DHRS7C: variants seen among roughly 807,000 people sequenced by gnomAD.
The protein encoded by DHRS7C is dehydrogenase/reductase SDR family member 7C.
Under a neutral mutation model 29.6 loss-of-function variants are expected in DHRS7C, and 28 were observed. The observed-to-expected ratio is 0.95, with a 90% CI of 0.70 to 1.30. DHRS7C has a LOEUF of 1.30. Among genes scored for constraint, DHRS7C ranks in the 50% most tolerant of loss-of-function variants. DHRS7C has a pLI of 0.00. For synonymous variants in DHRS7C, 158 were observed against 160.2 expected, an observed-to-expected ratio of 0.99 and a Z score of 0.10; for missense variants, 403 against 393.3, an observed-to-expected ratio of 1.02 and a Z score of -0.21.
At chr17:9,781,966 C>T (rs2152017211) in intron 1 of DHRS7C, among the ~76,000 whole-genome samples, 1 of 152,288 alleles carries the variant, frequency 6.6e-6, no homozygotes, top group Non-Finnish European at 1.5e-5. Context: ...CATGTTTTTT[C>T]AAATCAAATG....
At chr17:9,780,366 A>G (rs973356898) in intron 2 of DHRS7C, among the ~76,000 whole-genome samples, 1 of 152,198 alleles carries the variant, frequency 6.6e-6, no homozygotes, top group African/African-American at 2.4e-5. Flanking sequence ...CAGTGGTGAC[A>G]TCATTACTTT....
At chr17:9,784,605 G>A (rs537733750) in intron 1 of DHRS7C, among the ~76,000 whole-genome samples, 82 of 152,326 alleles carry the variant, frequency 5.4e-4, no homozygotes, top group African/African-American at 1.8e-3. Context: ...GGGTTAATTT[G>A]ATATGTGAAG....
intron 4 of DHRS7C, among the ~76,000 whole-genome samples, chr17:9,773,794 G>T (rs923327451): frequency 7.3e-6 from 1 of 137,798 alleles, no homozygotes; most frequent in African/African-American, 2.8e-5. Context: ...GTGCGATCTC[G>T]GCTCACTGCA....
At chr17:9,781,657 C>G in intron 1 of DHRS7C, 63 bp from the exon 2 acceptor site, 17 of 1,531,334 alleles carry the variant, frequency 1.1e-5, no homozygotes, top group Non-Finnish European at 1.5e-5. Flanking sequence ...ACAGTGAACC[C>G]CCTCTCTTGG....
chr17:9,777,098 C>A, intron 4 of DHRS7C, 95 bp downstream of exon 4: 1 of 1,042,182 alleles, frequency 9.6e-7, no homozygotes, highest in South Asian at 1.8e-5. Context: ...ACCCTTTCCC[C>A]TGTGACCATC....
rs2066347765 is a variant in DHRS7C, at chr17:9,774,103, C to T, written c.572-1181G>A. ...CAAGTGTTACCAAAAAAAGGTCTACCAGCTTGTTTTTCATTCATCCACCAT... is the reference window on the plus strand; with the variant it reads ...CAAGTGTTACCAAAAAAAGGTCTACTAGCTTGTTTTTCATTCATCCACCAT... On this transcript the variant is annotated intron_variant, in intron 4 of 5. Transcript: ENST00000571134. The surrounding 1 kb of genome is among the most constrained non-coding windows in gnomAD (Gnocchi z 5.0). Among the ~76,000 whole-genome samples the T allele has an allele frequency of 6.6e-6, 1 of 152,116 alleles. No homozygotes were observed. The highest frequency in any genetic ancestry group is 2.4e-5 in the African/African-American group (1 of 41,418).
At chr17:9,786,638 C>T (rs1199659031) in intron 1 of DHRS7C, among the ~76,000 whole-genome samples, 1 of 152,124 alleles carries the variant, frequency 6.6e-6, no homozygotes, top group African/African-American at 2.4e-5. Context: ...TAACAGAATT[C>T]ACTAACAGAA....
At chr17:9,778,156 C>T (rs2152016107) in intron 3 of DHRS7C, among the ~76,000 whole-genome samples, 1 of 152,148 alleles carries the variant, frequency 6.6e-6, no homozygotes, top group South Asian at 2.1e-4. Context: ...CTTTGGGAGG[C>T]CGAGGCGGGT....
At chr17:9,772,549 G>A (rs759783684) in intron 5 of DHRS7C, among the ~76,000 whole-genome samples, 1 of 152,196 alleles carries the variant, frequency 6.6e-6, no homozygotes, top group South Asian at 2.1e-4. Flanking sequence ...CTTAGCGGGC[G>A]CATGGGCTGT....
At chr17:9,782,064 T>C (rs573666163) in intron 1 of DHRS7C, among the ~76,000 whole-genome samples, 1 of 152,334 alleles carries the variant, frequency 6.6e-6, no homozygotes, top group South Asian at 2.1e-4. Context: ...TTCTGTCTAA[T>C]TAATTTTCCT....
chr17:9,780,737 G>A (rs1331722221), intron 2 of DHRS7C, among the ~76,000 whole-genome samples: 2 of 152,186 alleles, frequency 1.3e-5, no homozygotes, highest in African/African-American at 4.8e-5. Context: ...GTTCTTCTTG[G>A]AGATACACAG....
chr17:9,780,120 C>G lies in DHRS7C; in HGVS notation c.268-85G>C, dbSNP rs2066385669. 4 of 1,091,330 alleles carry G rather than the reference C, an allele frequency of 3.7e-6. No individual in the cohort carries two copies. In the East Asian group the frequency reaches 8.2e-5, roughly 22 times the overall value. 67.6% of individuals were successfully genotyped at this position (1,091,330 alleles called of 1,614,324 possible). ...GGGAGCCCTCGATCTAAAAGCCACC[C>G]ATTTTGAAATTCAAAGATAATGAAA... is the stretch of plus-strand genomic sequence containing the variant. On this transcript the variant is annotated intron_variant, in intron 2 of 5. Transcript: ENST00000571134.
In DHRS7C at chr17:9,779,858, C is replaced by T. The variant is rs569340681; in HGVS notation, c.445G>A (p.Ala149Thr). 115 of 1,613,562 alleles carry T rather than the reference C, an allele frequency of 7.1e-5. No homozygotes were observed. In the South Asian group the frequency reaches 1.1e-3, roughly 16 times the overall value. ...AATGTGATGGGGCCAAAGTAATTGG[C>T]ATCCATGATCTTTTTGTCGAGCTCC... The part of the protein sequence containing the change: ...SLELDKKIMD[A>T]NYFGPITLTK... The change falls in exon 3 of 6, where the codon GCC (alanine) becomes ACC (threonine). Residue 149 changes from alanine to threonine, a missense_variant. By Grantham distance (58) the Ala-to-Thr change is moderately conservative (BLOSUM62 0). Coordinates refer to ENST00000571134, the MANE Select transcript of DHRS7C (RefSeq NM_001105571.3).
rs770226023 is a variant in DHRS7C at position 9,786,367 on chromosome 17, T to TAA, written c.154+4763_154+4764insTT. 6.3e-3 allele frequency among the ~76,000 whole-genome samples: 739 copies of TAA among 117,418 alleles called. 6 individuals are homozygous for TAA. The highest frequency in any genetic ancestry group is 0.01 in the Non-Finnish European group (490 of 47,232). The allele number at this position is 117,418 out of a possible 152,430, so 77.0% of individuals were successfully genotyped here. The stretch of plus-strand genomic sequence containing the variant: ...ATAATAATAATAATAATAATAATAA[T>TAA]TAATCAGAAAAGTCAGGAACCGCCT... On this transcript the variant is annotated intron_variant, in intron 1 of 5. Transcript: ENST00000571134.
At chr17:9,788,584 G>C (rs969000284) in intron 1 of DHRS7C, among the ~76,000 whole-genome samples, 1 of 152,226 alleles carries the variant, frequency 6.6e-6, no homozygotes, top group Non-Finnish European at 1.5e-5. Context: ...AGGAGGTTTA[G>C]AGCGAGGGCT....
chr17:9,776,715 C>T (rs2066364479), intron 4 of DHRS7C, among the ~76,000 whole-genome samples: 1 of 152,190 alleles, frequency 6.6e-6, no homozygotes, highest in Non-Finnish European at 1.5e-5. Context: ...GCTGCCCCCA[C>T]CCTGAATTCT....
intron 2 of DHRS7C, among the ~76,000 whole-genome samples, 159 bp from the exon 3 acceptor site, chr17:9,780,194 G>C (rs1418740924): frequency 6.6e-6 from 1 of 151,956 alleles, no homozygotes; most frequent in Non-Finnish European, 1.5e-5. Context: ...TTCTGGGATG[G>C]AGGATATTGC....
chr17:9,778,471 C>T (rs1234902076), intron 3 of DHRS7C, among the ~76,000 whole-genome samples: 1 of 152,066 alleles, frequency 6.6e-6, no homozygotes, highest in Non-Finnish European at 1.5e-5. Flanking sequence ...GGACTAGACC[C>T]AGGGTCCTTA....
intron 4 of DHRS7C, among the ~76,000 whole-genome samples, chr17:9,773,741 T>TTTTTTTTC (rs57969612): frequency 9.3e-5 from 12 of 129,288 alleles, no homozygotes; most frequent in South Asian, 2.6e-4. Context: ...TTTTTTTTTT[T>TTTTTTTTC]TGAGACGGCG....
Sources: allele counts gnomAD v4.1 joint callset (sites outside exome capture counted in the v4.1 genomes callset), GRCh38; gene constraint gnomAD v4.1.1; non-coding constraint Gnocchi (gnomAD v3.1); transcripts MANE v1.5; gene names NCBI Gene and HGNC (gene_info 2026-07-23, HGNC 2026-07-21).